The following RAB2A variants were observed in gnomAD, a reference collection of about 807,000 sequenced individuals.
The protein encoded by RAB2A is ras-related protein Rab-2A.
Under a neutral mutation model 32.5 loss-of-function variants are expected in RAB2A, and 7 were observed. The observed-to-expected ratio is 0.22, with a 90% CI of 0.12 to 0.40. The LOEUF (loss-of-function observed/expected upper bound fraction) is 0.40. Ranked by LOEUF, RAB2A falls within the 10% of genes least tolerant of loss-of-function variation. The probability of loss-of-function intolerance (pLI) is 1.00; values close to 1 mark genes in which losing one functional copy is unlikely to be tolerated. For missense variants in RAB2A, 108 were observed against 260.7 expected (o/e 0.41, Z 4.03); for synonymous variants, 79 against 85.2 (o/e 0.93, Z 0.40).
chr8:60,600,217 G>A (rs895183525), intron 6 of RAB2A, among the ~76,000 whole-genome samples: 4 of 152,214 alleles, frequency 2.6e-5, no homozygotes, highest in Non-Finnish European at 5.9e-5. Flanking sequence ...ACTTCAGTAA[G>A]CCAGGCCTGG....
At chr8:60,598,907 T>C (rs889721853) in intron 6 of RAB2A, among the ~76,000 whole-genome samples, 1 of 118,122 alleles carries the variant, frequency 8.5e-6, no homozygotes, top group African/African-American at 3.4e-5. Context: ...AATCAACATA[T>C]TGATGGAAGT....
intron 3 of RAB2A, among the ~76,000 whole-genome samples, chr8:60,578,189 CAT>C (rs1246964311): frequency 6.6e-6 from 1 of 152,130 alleles, no homozygotes; most frequent in Non-Finnish European, 1.5e-5. Context: ...ATCCAGGTAA[CAT>C]ATTTGAGTGC....
intron 7 of RAB2A, 32 bp downstream of exon 7, chr8:60,618,680 T>G: frequency 1.2e-6 from 1 of 863,742 alleles, no homozygotes; most frequent in Non-Finnish European, 1.6e-6. Context: ...TGGTCAATAT[T>G]AATTTAGAGT....
chr8:60,618,365 A>G (rs545594272), intron 6 of RAB2A, among the ~76,000 whole-genome samples: 1 of 152,180 alleles, frequency 6.6e-6, no homozygotes, highest in Non-Finnish European at 1.5e-5. Context: ...TGCTTTTTCT[A>G]TGTCTATTGA....
intron 3 of RAB2A, among the ~76,000 whole-genome samples, chr8:60,573,585 A>C (rs184494550): frequency 3.3e-5 from 5 of 152,256 alleles, no homozygotes; most frequent in African/African-American, 1.2e-4. Flanking sequence ...GAAGAGTCAT[A>C]CTTTTACTAT....
chr8:60,526,047 A>ATG (rs1807380883), intron 1 of RAB2A, among the ~76,000 whole-genome samples: 1 of 121,588 alleles, frequency 8.2e-6, no homozygotes, highest in South Asian at 2.9e-4. Flanking sequence ...ATATATATAT[A>ATG]TATATATATA....
At chr8:60,516,918 G>A (rs1168315967), upstream of RAB2A, 1 of 280,910 alleles carries the variant, frequency 3.6e-6, no homozygotes, top group Non-Finnish European at 6.7e-6. Flanking sequence ...CCTTTCCTCC[G>A]GCGGCGCCGG....
At chr8:60,554,048 C>G (rs749383156) in intron 1 of RAB2A, among the ~76,000 whole-genome samples, 1 of 152,154 alleles carries the variant, frequency 6.6e-6, no homozygotes, top group Non-Finnish European at 1.5e-5. Context: ...GTATTAATCT[C>G]TTAGAGTAAT....
chr8:60,518,596 C>CAAA lies in RAB2A; in HGVS notation c.46+1368_46+1370dup, dbSNP rs59503766. Among the ~76,000 whole-genome samples the CAAA allele has an allele frequency of 3.5e-3, 161 of 45,508 alleles. 11 individuals carry two copies. Among genetic ancestry groups the CAAA allele is most frequent in the African/African-American group, 9.6e-3 (142 of 14,804 alleles). The allele number at this position is 45,508 out of a possible 152,430, so 29.9% of individuals were successfully genotyped here. A position where few individuals can be genotyped will look rare whatever the true frequency, so the allele number is the denominator to read the frequency against. On this transcript the variant is annotated intron_variant, in intron 1 of 7. Transcript: ENST00000262646. ...ACTTGAGCCCGGAAGGTGGAGTTTGCAAAAAAAAAAAAAAAAAAAAAAAAA... is the reference window on the plus strand; with the variant it reads ...ACTTGAGCCCGGAAGGTGGAGTTTGCAAAAAAAAAAAAAAAAAAAAAAAAAAAA...
intron 5 of RAB2A, among the ~76,000 whole-genome samples, chr8:60,588,355 T>C (rs1316416651): frequency 6.6e-6 from 1 of 152,202 alleles, no homozygotes; most frequent in African/African-American, 2.4e-5. Context: ...AACATAAATA[T>C]GTCTTCATGT....
chr8:60,537,975 GC>G, intron 1 of RAB2A, among the ~76,000 whole-genome samples: 1 of 152,288 alleles, frequency 6.6e-6, no homozygotes, highest in East Asian at 1.9e-4. Flanking sequence ...ACCATGCCTG[GC>G]CGTATAGCCC....
At chr8:60,549,929 TTTTG>T (rs1245689099) in intron 1 of RAB2A, among the ~76,000 whole-genome samples, 2 of 152,196 alleles carry the variant, frequency 1.3e-5, no homozygotes, top group South Asian at 4.1e-4. Context: ...CAAAAGCCAT[TTTTG>T]TTTGTTCTCA....
chr8:60,577,792 ATTTTTTTTT>A (rs3055112), intron 3 of RAB2A, among the ~76,000 whole-genome samples: 4 of 112,942 alleles, frequency 3.5e-5, no homozygotes, highest in African/African-American at 1.3e-4. Context: ...CGCCCGGCTA[ATTTTTTTTT>A]TTTTTTTTTT....
intron 6 of RAB2A, among the ~76,000 whole-genome samples, chr8:60,592,805 A>C (rs998195825): frequency 6.6e-6 from 1 of 152,214 alleles, no homozygotes; most frequent in Non-Finnish European, 1.5e-5. Context: ...ATGTATTACT[A>C]TACTGTTATT....
intron 1 of RAB2A, among the ~76,000 whole-genome samples, chr8:60,518,625 C>CAAAAA (rs1807252034): frequency 1.0e-5 from 1 of 99,176 alleles, no homozygotes; most frequent in African/African-American, 4.1e-5. Context: ...AAAAAAAAAG[C>CAAAAA]ATATTTATTG....
chr8:60,604,110 T>C (rs956340021), intron 6 of RAB2A, among the ~76,000 whole-genome samples: 5 of 152,134 alleles, frequency 3.3e-5, no homozygotes, highest in Non-Finnish European at 7.4e-5. Context: ...TAATGAGATC[T>C]GATTGTTTAA....
chr8:60,586,049 C>T (rs1803840758), intron 5 of RAB2A, among the ~76,000 whole-genome samples: 1 of 152,110 alleles, frequency 6.6e-6, no homozygotes, highest in African/African-American at 2.4e-5. Context: ...ACCTGTGATC[C>T]CAACACTTTG....
At chr8:60,597,255 T>C (rs949300336) in intron 6 of RAB2A, among the ~76,000 whole-genome samples, 4 of 152,168 alleles carry the variant, frequency 2.6e-5, no homozygotes, top group African/African-American at 9.7e-5. Context: ...TGGAATACTA[T>C]GCAGCCATAA....
At chr8:60,526,517 C>T (rs1471404288) in intron 1 of RAB2A, among the ~76,000 whole-genome samples, 1 of 152,196 alleles carries the variant, frequency 6.6e-6, no homozygotes, top group African/African-American at 2.4e-5. Flanking sequence ...CTAATCTCCC[C>T]ATCTCAAGGT....
Sources: allele counts gnomAD v4.1 joint callset (sites outside exome capture counted in the v4.1 genomes callset), GRCh38; gene constraint gnomAD v4.1.1; transcripts MANE v1.5; gene names NCBI Gene and HGNC (gene_info 2026-07-23, HGNC 2026-07-21).